SNRNP40: variants seen among roughly 807,000 people sequenced by gnomAD.
SNRNP40 encodes the protein small nuclear ribonucleoprotein U5 subunit 40.
A neutral mutation model predicts 45.8 loss-of-function variants in SNRNP40; 21 were observed. The ratio of observed to expected loss-of-function variants is 0.46; its 90% confidence interval spans 0.32 to 0.66. SNRNP40 has a LOEUF of 0.66. Among genes scored for constraint, SNRNP40 ranks in the 30% least tolerant of loss-of-function variants. The probability of loss-of-function intolerance (pLI) is 0.03; values close to 1 mark genes in which losing one functional copy is unlikely to be tolerated. For missense variants in SNRNP40, 344 were observed against 439.1 expected (o/e 0.78, Z 1.94); for synonymous variants, 142 against 163.8 (o/e 0.87, Z 1.01).
At chr1:31,282,821 G>T (rs538117573) in intron 4 of SNRNP40, among the ~76,000 whole-genome samples, 1 of 152,066 alleles carries the variant, frequency 6.6e-6, no homozygotes, top group Non-Finnish European at 1.5e-5. Flanking sequence ...GATTACAGGC[G>T]TGTGCCACTA....
chr1:31,259,771 A>T lies in SNRNP40; in HGVS notation c.*301T>A. ...AGCCAGTTACAAAAAAAAAAAAAAA[A>T]TCCCAACCAACAAATTTGTCACATT... On this transcript the variant is annotated 3_prime_UTR_variant, in exon 10 of 10. Coordinates refer to ENST00000263694, the MANE Select transcript of SNRNP40 (RefSeq NM_004814.3). 1 of 520,796 alleles carries T rather than the reference A, an allele frequency of 1.9e-6. No homozygotes were observed. The highest frequency in any genetic ancestry group is 3.5e-6 in the Non-Finnish European group (1 of 282,416). 32.3% of individuals were successfully genotyped at this position (520,796 alleles called of 1,614,324 possible). A position where few individuals can be genotyped will look rare whatever the true frequency, so the allele number is the denominator to read the frequency against.
At chr1:31,272,678 T>C (rs760316719) in intron 5 of SNRNP40, among the ~76,000 whole-genome samples, 6 of 152,182 alleles carry the variant, frequency 3.9e-5, no homozygotes, top group Admixed American at 6.5e-5. Flanking sequence ...CAATAATGTG[T>C]AGCTATTGTT....
intron 2 of SNRNP40, 149 bp downstream of exon 2, chr1:31,293,070 G>T: frequency 1.3e-6 from 1 of 754,186 alleles, no homozygotes; most frequent in Non-Finnish European, 2.2e-6. Flanking sequence ...AGATCATTCA[G>T]CATGTTCATG....
intron 5 of SNRNP40, among the ~76,000 whole-genome samples, chr1:31,280,153 A>G (rs1646005514): frequency 6.7e-6 from 1 of 148,654 alleles, no homozygotes; most frequent in Non-Finnish European, 1.5e-5. Flanking sequence ...TTTAGACAAA[A>G]GCAAGGATAT....
At chr1:31,291,220 G>A (rs1055720733) in intron 3 of SNRNP40, among the ~76,000 whole-genome samples, 12 of 150,352 alleles carry the variant, frequency 8.0e-5, no homozygotes, top group African/African-American at 2.2e-4. Flanking sequence ...CCTGGGAGGC[G>A]GAGGTTGCAG....
At chr1:31,271,307 G>A (rs1040032630) in intron 6 of SNRNP40, 72 bp downstream of exon 6, 139 of 1,472,368 alleles carry the variant, frequency 9.4e-5, no homozygotes, top group Non-Finnish European at 1.1e-4. Flanking sequence ...CATTCTAATC[G>A]TCTGATGGAA....
In SNRNP40 at chr1:31,287,109, G is replaced by C. The variant is rs576481347; in HGVS notation, c.531+2145C>G. 2.6e-5 allele frequency among the ~76,000 whole-genome samples: 4 copies of C among 152,276 alleles called. No homozygotes were observed. The East Asian group carries it at 7.7e-4, about 29-fold the overall frequency. ...TGTTAAGAACTCTGACATGTAAAAA[G>C]CAACATGACTTTTTTTCCTCTTAAA... On this transcript the variant is annotated intron_variant, in intron 4 of 9. Coordinates refer to ENST00000263694, the MANE Select transcript of SNRNP40 (RefSeq NM_004814.3).
In SNRNP40 at chr1:31,289,344, T is replaced by C; in HGVS notation, c.441A>G (p.Leu147=). Residue 147 remains leucine, a synonymous_variant, in exon 4 of 10, where the codon CTA becomes CTG. Coordinates refer to ENST00000263694, the MANE Select transcript of SNRNP40 (RefSeq NM_004814.3). ...DSETGERVKR[L]KGHTSFVNSC... ...AATTCACAAAGGAAGTATGTCCCTTTAGCCTTTTAACCCTCTCACCTGTTT... is the reference window on the plus strand; with the variant it reads ...AATTCACAAAGGAAGTATGTCCCTTCAGCCTTTTAACCCTCTCACCTGTTT... 2 of 1,614,140 alleles carry C rather than the reference T, an allele frequency of 1.2e-6. No individual in the cohort carries two copies. The highest frequency in any genetic ancestry group is 2.2e-5 in the East Asian group (1 of 44,890).
chr1:31,288,141 C>T (rs1183254399), intron 4 of SNRNP40, among the ~76,000 whole-genome samples: 5 of 149,444 alleles, frequency 3.3e-5, no homozygotes, highest in Admixed American at 6.7e-5. Context: ...CCAGCCTGGG[C>T]GATAGAGCAA....
At chr1:31,268,144 T>C (rs1645912290) in intron 7 of SNRNP40, among the ~76,000 whole-genome samples, 2 of 152,160 alleles carry the variant, frequency 1.3e-5, no homozygotes, top group Admixed American at 1.3e-4. Context: ...TAACTTACAG[T>C]TAATTAGATT....
chr1:31,269,633 A>G (rs1217598974), intron 6 of SNRNP40: 1 of 342,174 alleles, frequency 2.9e-6, no homozygotes, highest in Non-Finnish European at 5.2e-6. Flanking sequence ...AACTTATAAA[A>G]GCCAAACTTA....
chr1:31,269,618 C>CA, intron 6 of SNRNP40: 1 of 368,872 alleles, frequency 2.7e-6, no homozygotes, highest in Non-Finnish European at 4.8e-6. Context: ...ACTACTGTGA[C>CA]AATGAACTTA....
chr1:31,266,834 A>C (rs1270688040), intron 8 of SNRNP40, among the ~76,000 whole-genome samples: 1 of 152,220 alleles, frequency 6.6e-6, no homozygotes, highest in African/African-American at 2.4e-5. Context: ...AATATAAACT[A>C]ATTGGTTAGA....
chr1:31,293,405 A>G, intron 1 of SNRNP40, 57 bp from the exon 2 acceptor site: 1 of 1,520,168 alleles, frequency 6.6e-7, no homozygotes, highest in South Asian at 1.3e-5. Context: ...AGGCTACAAA[A>G]TTAGGGGGTG....
intron 8 of SNRNP40, among the ~76,000 whole-genome samples, chr1:31,265,173 G>C (rs1645887669): frequency 6.6e-6 from 1 of 152,124 alleles, no homozygotes; most frequent in Non-Finnish European, 1.5e-5. Context: ...TGCCCAGGCT[G>C]GAGAGCAGTG....
At position 31,296,648 on chromosome 1, in the gene SNRNP40, C is replaced by T; in HGVS notation, c.104G>A (p.Gly35Glu). ...LLGAGSGPGAGQQQATPGALL... is the reference protein window; with the variant it reads ...LLGAGSGPGAEQQQATPGALL... Reference sequence around the variant, plus strand: ...GGCTCCCGGCGTCGCCTGCTGCTGCCCGGCTCCTGGGCCAGACCCCGCTCC... The same window carrying T: ...GGCTCCCGGCGTCGCCTGCTGCTGCTCGGCTCCTGGGCCAGACCCCGCTCC... The change falls in exon 1 of 10, where the codon GGG becomes GAG. Residue 35 changes from glycine (G) to glutamate (E), a missense_variant. By Grantham distance (98) the Gly-to-Glu change is moderately conservative. Around this residue, in one of 2 missense-constraint regions of SNRNP40, gnomAD observed 90 missense variants for 58.9 expected, o/e 1.53. Transcript: ENST00000263694. 6.2e-7 allele frequency: 1 copy of T among 1,613,402 alleles called. No individual in the cohort carries two copies. Among genetic ancestry groups the T allele is most frequent in the Non-Finnish European group, 8.5e-7 (1 of 1,179,722 alleles).
chr1:31,262,603 G>A (rs1217049503), intron 8 of SNRNP40, among the ~76,000 whole-genome samples: 1 of 150,904 alleles, frequency 6.6e-6, no homozygotes, highest in Non-Finnish European at 1.5e-5. Flanking sequence ...AGAAAACTGG[G>A]GCACAGTGAC....
chr1:31,266,586 A>G (rs997491207), intron 8 of SNRNP40, among the ~76,000 whole-genome samples: 1 of 152,198 alleles, frequency 6.6e-6, no homozygotes, highest in African/African-American at 2.4e-5. Flanking sequence ...CATTCAGCAC[A>G]TAATGCCTGA....
chr1:31,268,662 TTC>T (rs1645916095), intron 7 of SNRNP40, among the ~76,000 whole-genome samples: 1 of 152,236 alleles, frequency 6.6e-6, no homozygotes, highest in South Asian at 2.1e-4. Context: ...GGGGAAAAGC[TTC>T]TTTCAATAGA....
Sources: allele counts gnomAD v4.1 joint callset (sites outside exome capture counted in the v4.1 genomes callset), GRCh38; gene constraint gnomAD v4.1.1; regional missense constraint gnomAD v4.1.1; transcripts MANE v1.5; gene names NCBI Gene and HGNC (gene_info 2026-07-23, HGNC 2026-07-21).